INSL6: variants seen among roughly 807,000 people sequenced by gnomAD.
The protein encoded by INSL6 is insulin like 6, also known as insulin-like peptide INSL6.
Under a neutral mutation model 9.4 loss-of-function variants are expected in INSL6, and 16 were observed. That is an observed-to-expected ratio of 1.70 (90% CI 1.15 to 2.59). INSL6 has a LOEUF of 2.59. INSL6 is among the 30% of genes most tolerant of loss of function. The pLI is 0.00. For synonymous variants in INSL6, 154 were observed against 96.9 expected, an observed-to-expected ratio of 1.59 and a Z score of -3.46; for missense variants, 391 against 257.3, an observed-to-expected ratio of 1.52 and a Z score of -3.56.
intron 1 of INSL6, among the ~76,000 whole-genome samples, chr9:5,175,919 A>G (rs1825294025): frequency 6.6e-6 from 1 of 152,210 alleles, no homozygotes; most frequent in South Asian, 2.1e-4. Flanking sequence ...ATAGTAATAG[A>G]AATAAAGTTC....
chr9:5,036,928 C>G, the INSL6 span, among the ~76,000 whole-genome samples: 3 of 152,180 alleles, frequency 2.0e-5, no homozygotes, highest in African/African-American at 7.2e-5. Flanking sequence ...AACAGGCAAC[C>G]TACAGAATGG....
chr9:5,167,510 C>T lies in INSL6; in HGVS notation c.290-3245G>A, dbSNP rs115960299. Among the ~76,000 whole-genome samples, 751 of 152,338 alleles carry T rather than the reference C, an allele frequency of 4.9e-3. 4 individuals are homozygous for T. The highest frequency in any genetic ancestry group is 0.016 in the African/African-American group (651 of 41,584). On this transcript the variant is annotated intron_variant, in intron 1 of 1. Transcript: ENST00000381641. ...GCGGCTGGGACAGTTTGTGGCCAGACTGCTTCTTTAGGTGGGACTCCAATC... is the reference window on the plus strand; with the variant it reads ...GCGGCTGGGACAGTTTGTGGCCAGATTGCTTCTTTAGGTGGGACTCCAATC...
At chr9:5,121,868 G>A (rs952470052), downstream of INSL6, among the ~76,000 whole-genome samples, 1 of 152,162 alleles carries the variant, frequency 6.6e-6, no homozygotes, top group Non-Finnish European at 1.5e-5. Flanking sequence ...AGTGCTATAT[G>A]AAAACCAGAG....
chr9:5,131,143 A>G (rs2130878766), intron 3 of INSL6, among the ~76,000 whole-genome samples: 1 of 152,368 alleles, frequency 6.6e-6, no homozygotes, highest in Non-Finnish European at 1.5e-5. Context: ...ATGGAAAGAT[A>G]AACCTAACAA....
At chr9:5,073,045 C>T in the INSL6 span, among the ~76,000 whole-genome samples, 1 of 152,200 alleles carries the variant, frequency 6.6e-6, no homozygotes, top group Non-Finnish European at 1.5e-5. Context: ...TCCAGAGATG[C>T]TAGCTGGCAG....
At chr9:5,183,747 A>T (rs1825507910) in intron 1 of INSL6, among the ~76,000 whole-genome samples, 1 of 152,118 alleles carries the variant, frequency 6.6e-6, no homozygotes, top group South Asian at 2.1e-4. Context: ...CTCCTGGGAG[A>T]AAAGAACAAG....
the INSL6 span, among the ~76,000 whole-genome samples, chr9:5,103,306 G>T: frequency 2.9e-5 from 3 of 104,300 alleles, no homozygotes; most frequent in East Asian, 6.2e-4. Context: ...AGCCAACAAA[G>T]ATCAAAAGAG....
chr9:5,042,339 T>G, the INSL6 span, among the ~76,000 whole-genome samples: 1,820 of 151,224 alleles, frequency 0.012, 30 homozygotes, highest in Middle Eastern at 0.024. Flanking sequence ...GGGTTTCACC[T>G]TGTTAGCCAG....
intron 1 of INSL6, among the ~76,000 whole-genome samples, chr9:5,179,371 G>C (rs925098173): frequency 1.3e-5 from 2 of 152,168 alleles, no homozygotes; most frequent in Non-Finnish European, 1.5e-5. Flanking sequence ...TGCTGGCAAG[G>C]TTGTGGAGAA....
rs78130731 is a variant in INSL6, at chr9:5,166,682, C to T, written c.290-2417G>A. On this transcript the variant is annotated intron_variant, in intron 1 of 1. Coordinates refer to ENST00000381641, the MANE Select transcript of INSL6 (RefSeq NM_007179.3). The stretch of plus-strand genomic sequence containing the variant: ...ATGAAAAGGGTAGTCAGAGTTATCA[C>T]CTTCAAAAAAACACAGATATGGGTG... Among the ~76,000 whole-genome samples the T allele has an allele frequency of 1.5e-4, 23 of 152,144 alleles. 1 individual carries two copies. In the East Asian group the frequency reaches 4.4e-3, roughly 29 times the overall value.
chr9:5,112,037 A>C, the INSL6 span: 1 of 407,552 alleles, frequency 2.5e-6, no homozygotes, highest in Admixed American at 2.7e-5. Flanking sequence ...CTGGTGCCTT[A>C]TCACCCAGCT....
At chr9:5,180,760 G>C (rs979200094) in intron 1 of INSL6, among the ~76,000 whole-genome samples, 3 of 152,252 alleles carry the variant, frequency 2.0e-5, no homozygotes, top group Admixed American at 6.5e-5. Context: ...TTTATCAGTA[G>C]TTCTGCTTTT....
chr9:5,158,588 G>A (rs534187256), intron 2 of INSL6, among the ~76,000 whole-genome samples: 1 of 152,014 alleles, frequency 6.6e-6, no homozygotes, highest in South Asian at 2.1e-4. Context: ...CATATTTAAA[G>A]TGTTAAAGGA....
intron 1 of INSL6, among the ~76,000 whole-genome samples, chr9:5,179,811 T>C (rs1440818921): frequency 6.6e-6 from 1 of 152,122 alleles, no homozygotes; most frequent in Admixed American, 6.5e-5. Flanking sequence ...CATGGACACA[T>C]GCAGGGGAAA....
chr9:5,126,109 G>A (rs1194328954), intron 3 of INSL6: 2 of 390,446 alleles, frequency 5.1e-6, no homozygotes, highest in Admixed American at 4.3e-5. Context: ...CCCTCCTCAG[G>A]GGATTTGTGT....
At chr9:5,060,242 C>T in the INSL6 span, among the ~76,000 whole-genome samples, 3 of 152,070 alleles carry the variant, frequency 2.0e-5, no homozygotes, top group African/African-American at 4.8e-5. Flanking sequence ...GGCTGCTGAC[C>T]GATCAGTGTG....
At chr9:5,014,257 G>C in the INSL6 span, among the ~76,000 whole-genome samples, 1 of 150,458 alleles carries the variant, frequency 6.6e-6, no homozygotes, top group Admixed American at 6.6e-5. Flanking sequence ...TCTCACCTTG[G>C]CTTCCCAGAG....
the INSL6 span, among the ~76,000 whole-genome samples, chr9:4,998,922 C>T: frequency 3.3e-5 from 5 of 151,850 alleles, no homozygotes; most frequent in East Asian, 5.8e-4. Context: ...CCCGGGTTCA[C>T]GCCATTCTCC....
At chr9:5,072,213 C>G in the INSL6 span, among the ~76,000 whole-genome samples, 1 of 152,162 alleles carries the variant, frequency 6.6e-6, no homozygotes, top group Non-Finnish European at 1.5e-5. Flanking sequence ...AACACTGACT[C>G]TATTTTTAAA....
Sources: allele counts gnomAD v4.1 joint callset (sites outside exome capture counted in the v4.1 genomes callset), GRCh38; gene constraint gnomAD v4.1.1; transcripts MANE v1.5; gene names NCBI Gene and HGNC (gene_info 2026-07-23, HGNC 2026-07-21).